The following TMX3 variants were observed in gnomAD, a reference collection of about 807,000 sequenced individuals.
TMX3 encodes thioredoxin related transmembrane protein 3.
In TMX3, 40 loss-of-function variants were observed where a neutral mutation model predicts 64.4. The observed-to-expected ratio is 0.62, with a 90% CI of 0.48 to 0.81. TMX3 has a LOEUF of 0.81. Among genes scored for constraint, TMX3 ranks in the 30% least tolerant of loss-of-function variants. The pLI, the probability that TMX3 is intolerant of heterozygous loss-of-function variation, is 0.00. For missense variants in TMX3, 497 were observed against 534.5 expected (o/e 0.93, Z 0.69); for synonymous variants, 189 against 175.7 (o/e 1.08, Z -0.60).
At chr18:68,691,527 G>T (rs1914523352) in intron 8 of TMX3, among the ~76,000 whole-genome samples, 166 bp from the exon 9 acceptor site, 1 of 152,168 alleles carries the variant, frequency 6.6e-6, no homozygotes. Context: ...ACTCATCCAA[G>T]AAGTATATCT....
At chr18:68,713,273 T>TA (rs1487216401) in intron 2 of TMX3, among the ~76,000 whole-genome samples, 1 of 152,186 alleles carries the variant, frequency 6.6e-6, no homozygotes, top group Admixed American at 6.5e-5. Context: ...AGGAGGCTGC[T>TA]AAACAGAGAC....
chr18:68,701,586 A>G (rs1390414152), intron 5 of TMX3, 159 bp downstream of exon 5: 20 of 1,497,442 alleles, frequency 1.3e-5, no homozygotes, highest in Non-Finnish European at 1.7e-5. Context: ...AAAAGCATAA[A>G]GAAGCAGTCC....
intron 1 of TMX3, 49 bp downstream of exon 1, chr18:68,714,887 G>C (rs762260660): frequency 4.5e-6 from 7 of 1,547,322 alleles, no homozygotes; most frequent in Non-Finnish European, 6.1e-6. Context: ...CCACGGCGGG[G>C]CCAGGTCCCA....
chr18:68,697,346 A>C (rs375241079), intron 7 of TMX3, 43 bp from the exon 8 acceptor site: 2 of 1,206,710 alleles, frequency 1.7e-6, no homozygotes, highest in African/African-American at 3.1e-5. Flanking sequence ...AAAAATATTA[A>C]AGGCCAAAAT....
intron 4 of TMX3, among the ~76,000 whole-genome samples, chr18:68,702,094 T>A (rs1301189137): frequency 5.2e-5 from 6 of 115,310 alleles, no homozygotes; most frequent in African/African-American, 1.4e-4. Flanking sequence ...GTAAAAAAAA[T>A]AAAAATAAAA....
At chr18:68,687,884 T>A (rs2145037113) in intron 9 of TMX3, 119 bp from the exon 10 acceptor site, 1 of 632,196 alleles carries the variant, frequency 1.6e-6, no homozygotes, top group East Asian at 3.2e-5. Flanking sequence ...CCATAAATAT[T>A]GTTTTTAGGA....
At chr18:68,707,310 C>A (rs2030773596) in intron 4 of TMX3, among the ~76,000 whole-genome samples, 1 of 151,858 alleles carries the variant, frequency 6.6e-6, no homozygotes, top group Non-Finnish European at 1.5e-5. Flanking sequence ...GGAGGTTTAT[C>A]CATATCCAAT....
At chr18:68,684,401 G>T in intron 11 of TMX3, 27 bp downstream of exon 11, 1 of 1,601,084 alleles carries the variant, frequency 6.2e-7, no homozygotes, top group Non-Finnish European at 8.6e-7. Flanking sequence ...AACATTTGAA[G>T]CTTAAAACTA....
At chr18:68,703,870 C>T (rs1332407913) in intron 4 of TMX3, among the ~76,000 whole-genome samples, 1 of 152,060 alleles carries the variant, frequency 6.6e-6, no homozygotes, top group East Asian at 1.9e-4. Context: ...GCGGAGCTTA[C>T]AGTGAGCTGA....
chr18:68,713,543 A>G (rs1239544430), intron 2 of TMX3, among the ~76,000 whole-genome samples: 1 of 152,250 alleles, frequency 6.6e-6, no homozygotes, highest in Admixed American at 6.5e-5. Flanking sequence ...TACTATGAAG[A>G]TAAATACAGT....
chr18:68,713,806 C>G (rs764578902), intron 2 of TMX3, 40 bp downstream of exon 2: 14 of 1,012,130 alleles, frequency 1.4e-5, no homozygotes, highest in Middle Eastern at 3.0e-4. Flanking sequence ...CTGAGTTGGA[C>G]AGTTAAAATA....
intron 9 of TMX3, among the ~76,000 whole-genome samples, chr18:68,690,844 T>C (rs368271053): frequency 1.3e-5 from 2 of 152,328 alleles, no homozygotes; most frequent in East Asian, 1.9e-4. Flanking sequence ...GCATTATGCG[T>C]CAATGAAGAA....
At position 68,676,946 on chromosome 18, in the gene TMX3, T is replaced by A; in HGVS notation, c.1352A>T (p.Lys451Met). ...AGTCATCAAGTCTCAATCTTTCTTC[T>A]TTTCTAATACATCCTTGGGCTCCTG... is the stretch of plus-strand genomic sequence containing the variant. ...TVQEPKDVLE[K>M]KKD Residue 451 changes from lysine (K) to methionine (M), a missense_variant, in exon 16 of 16, where the codon AAG becomes ATG. By Grantham distance (95) the Lys-to-Met change is moderately conservative (BLOSUM62 -1). Around this residue, in one of 3 missense-constraint regions of TMX3, gnomAD observed 94 missense variants for 75.8 expected, o/e 1.24. Coordinates refer to ENST00000299608, the MANE Select transcript of TMX3 (RefSeq NM_019022.5). 2 of 1,611,828 alleles carry A rather than the reference T, an allele frequency of 1.2e-6. No homozygotes were observed. The highest frequency in any genetic ancestry group is 1.7e-6 in the Non-Finnish European group (2 of 1,179,340).
intron 3 of TMX3, among the ~76,000 whole-genome samples, chr18:68,710,627 T>A (rs960995810): frequency 6.6e-6 from 1 of 152,174 alleles, no homozygotes; most frequent in East Asian, 1.9e-4. Context: ...TGGTTTGGCA[T>A]AGGGACAAGC....
intron 6 of TMX3, among the ~76,000 whole-genome samples, chr18:68,698,978 C>T (rs1297800874): frequency 3.3e-5 from 5 of 150,604 alleles, no homozygotes; most frequent in Admixed American, 6.6e-5. Context: ...GCCGAGACAG[C>T]GCCACTGCAG....
chr18:68,681,525 G>A (rs921716106), intron 13 of TMX3: 1 of 984,214 alleles, frequency 1.0e-6, no homozygotes. Flanking sequence ...TTAATCTTTG[G>A]CAAATCCTCT....
At chr18:68,700,810 T>C in intron 5 of TMX3, 1 of 985,140 alleles carries the variant, frequency 1.0e-6, no homozygotes. Context: ...ATAATTCTCA[T>C]TACCTTCCCT....
At chr18:68,690,243 C>A (rs2145046766) in intron 9 of TMX3, among the ~76,000 whole-genome samples, 1 of 152,186 alleles carries the variant, frequency 6.6e-6, no homozygotes, top group South Asian at 2.1e-4. Flanking sequence ...AATGGGTGTT[C>A]CCTATCTGGC....
chr18:68,682,925 T>C lies in TMX3; in HGVS notation c.905A>G (p.Asp302Gly). 3 of 1,605,878 alleles carry C rather than the reference T, an allele frequency of 1.9e-6. No homozygotes were observed. Among genetic ancestry groups the C allele is most frequent in the Non-Finnish European group, 2.6e-6 (3 of 1,175,362 alleles). Residue 302 changes from aspartate to glycine, a missense_variant and splice_region_variant, in exon 13 of 16, where the codon GAT (aspartate) becomes GGT (glycine). Physicochemically the swap from Asp to Gly is moderately conservative, Grantham distance 94. Coordinates refer to ENST00000299608, the MANE Select transcript of TMX3 (RefSeq NM_019022.5). ...CAAAATCATTCAGCACTTTACTTAC[T>C]CCATCAGCAAGGTATTTATGTAGTC... ...GNDYINTLLM[D>G]ELTVPTVVVL...
Sources: gnomAD v4.1 joint callset for allele counts (sites outside exome capture counted in the v4.1 genomes callset) on GRCh38, gnomAD v4.1.1 for gene constraint, gnomAD v4.1.1 regional missense constraint, MANE v1.5 for transcripts, NCBI Gene and HGNC (gene_info 2026-07-23, HGNC 2026-07-21) for gene names.